The following SLC22A16 variants were observed in gnomAD, a reference collection of about 807,000 sequenced individuals.
SLC22A16 encodes solute carrier family 22 member 16.
In SLC22A16, 53 loss-of-function variants were observed where a neutral mutation model predicts 52.9. The ratio of observed to expected loss-of-function variants is 1.00; its 90% confidence interval spans 0.80 to 1.26. SLC22A16 has a LOEUF of 1.26. Ranked by LOEUF, SLC22A16 falls within the 50% of genes most tolerant of loss-of-function variation. The pLI is 0.00. For synonymous variants in SLC22A16, 291 were observed against 268.8 expected (o/e 1.08, Z -0.81); for missense variants, 726 against 704.0 (o/e 1.03, Z -0.35).
chr6:110,455,839 T>C (rs530641534), intron 2 of SLC22A16: 2 of 152,282 alleles, frequency 1.3e-5, no homozygotes, highest in African/African-American at 2.4e-5. Flanking sequence ...TGCCCTTCCA[T>C]CCCTTCTTCC....
intron 1 of SLC22A16, among the ~76,000 whole-genome samples, chr6:110,461,197 G>A (rs1775868760): frequency 2.0e-5 from 3 of 152,208 alleles, no homozygotes; most frequent in Admixed American, 2.0e-4. Flanking sequence ...GGACAGACAA[G>A]CCACAGAGCT....
chr6:110,447,168 A>G (rs1775209642), intron 2 of SLC22A16, among the ~76,000 whole-genome samples, 178 bp from the exon 3 acceptor site: 1 of 152,236 alleles, frequency 6.6e-6, no homozygotes, highest in African/African-American at 2.4e-5. Flanking sequence ...TTAAAAGACC[A>G]GCTGTTCAGT....
intron 1 of SLC22A16, among the ~76,000 whole-genome samples, chr6:110,458,617 T>C (rs1361311920): frequency 6.6e-6 from 1 of 152,210 alleles, no homozygotes; most frequent in Non-Finnish European, 1.5e-5. Flanking sequence ...TGGCAAAACA[T>C]TATTTCTGGG....
chr6:110,476,305 C>T (rs1403138596), intron 1 of SLC22A16: 2 of 1,357,240 alleles, frequency 1.5e-6, no homozygotes, highest in East Asian at 2.8e-5. Flanking sequence ...GAGCCCAGCG[C>T]CTCTGCTCAC....
Position 110,453,210 on chromosome 6 carries a change from A to G in SLC22A16, c.533+3328T>C, listed in dbSNP as rs573286964. 1.5e-3 allele frequency among the ~76,000 whole-genome samples: 227 copies of G among 152,288 alleles called. 10 individuals are homozygous for G. The South Asian group carries it at 0.045, about 30-fold the overall frequency. On this transcript the variant is annotated intron_variant, in intron 2 of 7. Coordinates refer to ENST00000368919, the MANE Select transcript of SLC22A16 (RefSeq NM_033125.4). Reference sequence around the variant, plus strand: ...GCTTGTCTTCTATTTCTTTAAAAATAGTAAGTGTGGTTATTTTATTATTTG... The same window carrying G: ...GCTTGTCTTCTATTTCTTTAAAAATGGTAAGTGTGGTTATTTTATTATTTG...
At chr6:110,439,554 A>G (rs1219425793) in intron 4 of SLC22A16, among the ~76,000 whole-genome samples, 1 of 152,218 alleles carries the variant, frequency 6.6e-6, no homozygotes, top group African/African-American at 2.4e-5. Flanking sequence ...CTGCTGAGCT[A>G]TAATGAACAA....
At chr6:110,427,864 C>T (rs1774330978) in intron 7 of SLC22A16, among the ~76,000 whole-genome samples, 1 of 152,174 alleles carries the variant, frequency 6.6e-6, no homozygotes, top group Non-Finnish European at 1.5e-5. Context: ...CCTGGCATTT[C>T]CCCACTCCAG....
chr6:110,469,774 G>A (rs1286305258), intron 1 of SLC22A16, among the ~76,000 whole-genome samples: 3 of 152,346 alleles, frequency 2.0e-5, no homozygotes, highest in Admixed American at 1.3e-4. Flanking sequence ...GCACCTAGTT[G>A]TCTCTGCTTT....
intron 6 of SLC22A16, among the ~76,000 whole-genome samples, chr6:110,432,430 T>C (rs1774543575): frequency 6.6e-6 from 1 of 152,256 alleles, no homozygotes; most frequent in Non-Finnish European, 1.5e-5. Flanking sequence ...TGTCACCTTC[T>C]TAGCATATAA....
In SLC22A16 at chr6:110,435,828, A is replaced by C. The variant is rs1774701977; in HGVS notation, c.1421+24T>G. ...CACAAGTGAAAGATAATAGGAAAAC[A>C]ACCAGAAAACAATTCATCCTTACCT... On this transcript the variant is annotated intron_variant, in intron 6 of 7. Transcript: ENST00000368919. 3 of 1,510,250 alleles carry C rather than the reference A, an allele frequency of 2.0e-6. No individual in the cohort carries two copies. In the African/African-American group the frequency reaches 4.2e-5, roughly 21 times the overall value. The allele number at this position is 1,510,250 out of a possible 1,614,324, so 93.6% of individuals were successfully genotyped here.
intron 1 of SLC22A16, among the ~76,000 whole-genome samples, chr6:110,461,566 T>C (rs1057194116): frequency 4.6e-5 from 7 of 151,284 alleles, no homozygotes; most frequent in Non-Finnish European, 8.9e-5. Context: ...AAAAACCTGC[T>C]GTCAGAAGAG....
intron 1 of SLC22A16, chr6:110,475,021 T>C (rs772194965): frequency 1.9e-6 from 1 of 518,138 alleles, no homozygotes; most frequent in Non-Finnish European, 3.9e-6. Flanking sequence ...TTTGTACTAT[T>C]ATTAGCCCCA....
At chr6:110,430,426 G>A (rs1774450509) in intron 7 of SLC22A16, among the ~76,000 whole-genome samples, 1 of 151,972 alleles carries the variant, frequency 6.6e-6, no homozygotes, top group South Asian at 2.1e-4. Context: ...AGGAGGCTGG[G>A]AGGGAATCCG....
At chr6:110,473,083 A>G (rs1776314115) in intron 1 of SLC22A16, among the ~76,000 whole-genome samples, 1 of 152,156 alleles carries the variant, frequency 6.6e-6, no homozygotes, top group Non-Finnish European at 1.5e-5. Flanking sequence ...CATCTAAACT[A>G]TGGGCTTTGT....
chr6:110,436,903 T>TC (rs1774754017), intron 5 of SLC22A16, among the ~76,000 whole-genome samples: 1 of 152,082 alleles, frequency 6.6e-6, no homozygotes, highest in Non-Finnish European at 1.5e-5. Context: ...TCCTCCCCCA[T>TC]CTGCCAACTG....
chr6:110,451,078 T>C (rs1489379286), intron 2 of SLC22A16, among the ~76,000 whole-genome samples: 1 of 152,256 alleles, frequency 6.6e-6, no homozygotes, highest in African/African-American at 2.4e-5. Flanking sequence ...TATTATTTTA[T>C]GACTTGCTTC....
chr6:110,461,768 G>T (rs183877236), intron 1 of SLC22A16, among the ~76,000 whole-genome samples: 1 of 151,288 alleles, frequency 6.6e-6, no homozygotes, highest in East Asian at 1.9e-4. Context: ...CAGAAACAAA[G>T]CCAAACAATC....
chr6:110,433,523 C>G (rs917021878), intron 6 of SLC22A16, among the ~76,000 whole-genome samples: 3 of 152,176 alleles, frequency 2.0e-5, no homozygotes, highest in Non-Finnish European at 2.9e-5. Context: ...CATCTCTGGG[C>G]TGGTGTTATA....
At chr6:110,455,038 AT>A (rs928699152) in intron 2 of SLC22A16, among the ~76,000 whole-genome samples, 2 of 128,350 alleles carry the variant, frequency 1.6e-5, no homozygotes, top group Admixed American at 1.0e-4. Context: ...TCACTAATAT[AT>A]TTTTTATTTA....
Sources: allele counts gnomAD v4.1 joint callset (sites outside exome capture counted in the v4.1 genomes callset), GRCh38; gene constraint gnomAD v4.1.1; transcripts MANE v1.5; gene names NCBI Gene and HGNC (gene_info 2026-07-23, HGNC 2026-07-21).